The following RBPJ variants were observed in gnomAD, a reference collection of about 807,000 sequenced individuals.
RBPJ encodes the protein recombination signal binding protein for immunoglobulin kappa J region.
In RBPJ, 9 loss-of-function variants were observed where a neutral mutation model predicts 67.8. The observed-to-expected ratio is 0.13, with a 90% CI of 0.08 to 0.23. The LOEUF (loss-of-function observed/expected upper bound fraction) is 0.23, where lower values mean the gene tolerates loss of function less well. RBPJ is among the 10% of genes least tolerant of loss of function. The probability of loss-of-function intolerance (pLI) is 1.00; values close to 1 mark genes in which losing one functional copy is unlikely to be tolerated. For missense variants in RBPJ, 305 were observed against 595.6 expected (o/e 0.51, Z 5.08); for synonymous variants, 198 against 203.3 (o/e 0.97, Z 0.22).
intron 1 of RBPJ, among the ~76,000 whole-genome samples, chr4:26,205,241 C>T (rs1718128670): frequency 1.3e-5 from 2 of 152,162 alleles, no homozygotes; most frequent in Non-Finnish European, 1.5e-5. Context: ...GATGTGGGAG[C>T]AGCTCCGGCC....
At chr4:26,137,417 A>G in the RBPJ span, among the ~76,000 whole-genome samples, 7 of 152,108 alleles carry the variant, frequency 4.6e-5, no homozygotes, top group Non-Finnish European at 4.4e-5. Context: ...TCTTGGCTCT[A>G]AACAAATCCA....
At chr4:26,319,248 G>A (rs888459309), upstream of RBPJ, among the ~76,000 whole-genome samples, 7 of 152,180 alleles carry the variant, frequency 4.6e-5, no homozygotes, top group African/African-American at 1.7e-4. Context: ...GGCTCCTCCT[G>A]CCCTAGAGCC....
rs563397544 is a variant in RBPJ, at chr4:26,343,397, A to T, written c.20+22349A>T. 8.5e-5 allele frequency among the ~76,000 whole-genome samples: 13 copies of T among 152,286 alleles called. No homozygotes were observed. The Middle Eastern group carries it at 0.01, about 120-fold the overall frequency. ...CACAGTAGCTACTGTGTGTAATAGCATTTATAGATGATGCTTTACCTCTAG... is the reference window on the plus strand; with the variant it reads ...CACAGTAGCTACTGTGTGTAATAGCTTTTATAGATGATGCTTTACCTCTAG... On this transcript the variant is annotated intron_variant, in intron 1 of 10. Transcript: ENST00000355476.
the RBPJ span, among the ~76,000 whole-genome samples, chr4:26,110,808 C>G: frequency 1.3e-5 from 2 of 152,130 alleles, no homozygotes; most frequent in Non-Finnish European, 2.9e-5. The surrounding 1 kb of genome is among the most constrained non-coding windows in gnomAD (Gnocchi z 4.5). Flanking sequence ...GTGGGTGTCT[C>G]CAGGTGCCGC....
At chr4:26,205,880 G>A (rs974525203) in intron 1 of RBPJ, among the ~76,000 whole-genome samples, 5 of 151,528 alleles carry the variant, frequency 3.3e-5, no homozygotes, top group African/African-American at 9.7e-5. Flanking sequence ...GACATGAGCC[G>A]CCACACCCAG....
In RBPJ at chr4:26,188,356, C is replaced by T. The variant is rs557210002; in HGVS notation, c.-167+24742C>T. ...GATCTATCGCTTTGGTTAGGTCTCC[C>T]TACAATTTTGTCAAAAGCAAATAAT... On this transcript the variant is annotated intron_variant, in intron 1 of 4. Coordinates refer to the RBPJ transcript ENST00000512351. Among the ~76,000 whole-genome samples, 117 of 152,272 alleles carry T rather than the reference C, an allele frequency of 7.7e-4. 1 individual carries two copies. In the South Asian group the frequency reaches 0.024, roughly 32 times the overall value.
At chr4:26,427,421 C>G (rs2109830648) in intron 7 of RBPJ, among the ~76,000 whole-genome samples, 1 of 152,200 alleles carries the variant, frequency 6.6e-6, no homozygotes, top group Non-Finnish European at 1.5e-5. Flanking sequence ...AAGTTGAATG[C>G]AGGAGAGAAG....
chr4:26,366,455 G>A (rs1276224559), intron 1 of RBPJ, among the ~76,000 whole-genome samples: 1 of 152,020 alleles, frequency 6.6e-6, no homozygotes. Flanking sequence ...ACCAAGTCTT[G>A]CTCTGTCACC....
At chr4:26,219,985 A>G (rs1044980841) in intron 1 of RBPJ, among the ~76,000 whole-genome samples, 5 of 150,642 alleles carry the variant, frequency 3.3e-5, no homozygotes, top group Admixed American at 6.6e-5. Flanking sequence ...GGGTTTCACT[A>G]TGTTAGCCAG....
chr4:26,163,519 G>C (rs542633678), exon 1 of RBPJ: 2 of 152,184 alleles, frequency 1.3e-5, no homozygotes, highest in East Asian at 3.9e-4. Flanking sequence ...GGTGGAAGGG[G>C]CTCTTTCTAC....
chr4:26,212,141 C>T (rs11735620), intron 1 of RBPJ, among the ~76,000 whole-genome samples: 82,281 of 151,832 alleles, frequency 0.54, 22,725 homozygotes, highest in East Asian at 0.86. Context: ...CAAACTAATA[C>T]ACACCTCATT....
chr4:26,145,524 A>C, the RBPJ span, among the ~76,000 whole-genome samples: 3 of 152,228 alleles, frequency 2.0e-5, no homozygotes. Flanking sequence ...GTCCTAACAT[A>C]TCAATGTCCT....
At chr4:26,189,483 C>A (rs1717399036) in intron 1 of RBPJ, among the ~76,000 whole-genome samples, 2 of 151,996 alleles carry the variant, frequency 1.3e-5, no homozygotes, top group African/African-American at 2.4e-5. Flanking sequence ...CATGGTAAAA[C>A]CCTGTCTCTA....
chr4:26,181,285 A>G (rs1278964432), intron 1 of RBPJ, among the ~76,000 whole-genome samples: 2 of 152,248 alleles, frequency 1.3e-5, no homozygotes, highest in African/African-American at 4.8e-5. Flanking sequence ...TCACCTCCAA[A>G]GAAGCACAGT....
intron 4 of RBPJ, among the ~76,000 whole-genome samples, chr4:26,418,489 C>G (rs894072823): frequency 2.6e-5 from 4 of 152,058 alleles, no homozygotes; most frequent in Non-Finnish European, 5.9e-5. Flanking sequence ...TATTTCCTTT[C>G]TTTCCAAGGA....
the RBPJ span, among the ~76,000 whole-genome samples, chr4:26,134,844 T>A: frequency 6.6e-6 from 1 of 152,196 alleles, no homozygotes; most frequent in Non-Finnish European, 1.5e-5. Flanking sequence ...CTGAAAGAGC[T>A]GGTCACCAGG....
chr4:26,291,764 C>T (rs1721678139), intron 1 of RBPJ, among the ~76,000 whole-genome samples: 1 of 150,368 alleles, frequency 6.7e-6, no homozygotes, highest in Non-Finnish European at 1.5e-5. Flanking sequence ...TTAATAGAGA[C>T]AGGGTTTCAC....
chr4:26,275,958 C>T (rs1208994129), intron 1 of RBPJ, among the ~76,000 whole-genome samples: 1 of 149,508 alleles, frequency 6.7e-6, no homozygotes, highest in Non-Finnish European at 1.5e-5. Context: ...AAAAAGGATA[C>T]TTAGTGACAT....
chr4:26,128,443 C>T, the RBPJ span, among the ~76,000 whole-genome samples: 1 of 152,152 alleles, frequency 6.6e-6, no homozygotes, highest in Non-Finnish European at 1.5e-5. Context: ...CAGTAGTTTA[C>T]AGGAATTAAA....
Sources: gnomAD v4.1 joint callset for allele counts (sites outside exome capture counted in the v4.1 genomes callset) on GRCh38, gnomAD v4.1.1 for gene constraint, Gnocchi (gnomAD v3.1) non-coding constraint, MANE v1.5 for transcripts, NCBI Gene and HGNC (gene_info 2026-07-23, HGNC 2026-07-21) for gene names.